Variants in KAZN observed in about 807,000 individuals in gnomAD.
The protein encoded by KAZN is kazrin.
KAZN carries 40 observed loss-of-function variants against 87.4 expected under a neutral mutation model. The observed-to-expected ratio is 0.46, with a 90% CI of 0.36 to 0.60. KAZN has a LOEUF of 0.60. Among genes scored for constraint, KAZN ranks in the 20% least tolerant of loss-of-function variants. The pLI is 0.00. For missense variants in KAZN, 898 were observed against 1,073.9 expected, an observed-to-expected ratio of 0.84 and a Z score of 2.29; for synonymous variants, 466 against 458.3, an observed-to-expected ratio of 1.02 and a Z score of -0.22.
intron 2 of KAZN, among the ~76,000 whole-genome samples, chr1:14,587,933 C>A (rs1412749473): frequency 1.3e-5 from 2 of 152,142 alleles, no homozygotes; most frequent in Non-Finnish European, 2.9e-5. Context: ...CATTTTTCAA[C>A]TCAGTAGCAC....
At chr1:14,094,230 A>G (rs555340080) in intron 1 of KAZN, among the ~76,000 whole-genome samples, 2 of 151,410 alleles carry the variant, frequency 1.3e-5, no homozygotes, top group East Asian at 3.9e-4. Flanking sequence ...GGCCTTTACT[A>G]TCGTTTTTTT....
At chr1:14,360,414 A>C (rs932095834) in intron 2 of KAZN, among the ~76,000 whole-genome samples, 2 of 152,066 alleles carry the variant, frequency 1.3e-5, no homozygotes, top group Admixed American at 1.3e-4. Flanking sequence ...GGAGTTTGTT[A>C]TTACACACAT....
chr1:14,161,643 CTAGTG>C (rs1645712262), intron 1 of KAZN, among the ~76,000 whole-genome samples: 1 of 152,148 alleles, frequency 6.6e-6, no homozygotes, highest in Non-Finnish European at 1.5e-5. Context: ...TTGGCCCTAT[CTAGTG>C]TAGGAGAGGA....
intron 1 of KAZN, among the ~76,000 whole-genome samples, chr1:14,019,157 G>T (rs965849603): frequency 6.6e-6 from 1 of 152,168 alleles, no homozygotes; most frequent in Non-Finnish European, 1.5e-5. Flanking sequence ...GATTAGAAAC[G>T]ACTTGTTTTG....
intron 1 of KAZN, among the ~76,000 whole-genome samples, chr1:14,702,722 G>A (rs1572263261): frequency 6.6e-6 from 1 of 152,122 alleles, no homozygotes; most frequent in Non-Finnish European, 1.5e-5. Context: ...GTCACCTGGC[G>A]GCAAACCATT....
At chr1:15,010,788 C>G (rs569324249) in intron 2 of KAZN, among the ~76,000 whole-genome samples, 1 of 152,288 alleles carries the variant, frequency 6.6e-6, no homozygotes, top group East Asian at 1.9e-4. Context: ...TCTCTCACTC[C>G]TTTTTCATGG....
intron 2 of KAZN, among the ~76,000 whole-genome samples, chr1:14,227,406 G>A (rs1557576266): frequency 6.6e-6 from 1 of 152,150 alleles, no homozygotes; most frequent in East Asian, 1.9e-4. Context: ...AAAGCTGAAG[G>A]AATCACTTCC....
At chr1:14,862,065 T>C (rs899578414) in intron 1 of KAZN, among the ~76,000 whole-genome samples, 4 of 152,154 alleles carry the variant, frequency 2.6e-5, no homozygotes, top group African/African-American at 9.7e-5. Context: ...TAATGGAAAA[T>C]CCTGACTGCC....
intron 1 of KAZN, among the ~76,000 whole-genome samples, chr1:13,900,141 T>A (rs1368313856): frequency 6.8e-6 from 1 of 146,602 alleles, no homozygotes; most frequent in Non-Finnish European, 1.5e-5. Context: ...GACTAATTCT[T>A]CTTGATAGTC....
chr1:15,032,180 C>CTTTTTTT (rs376242671), intron 2 of KAZN, among the ~76,000 whole-genome samples: 4 of 82,696 alleles, frequency 4.8e-5, no homozygotes, highest in African/African-American at 1.4e-4. Context: ...GTGGACATTT[C>CTTTTTTT]TTTTTTTTTT....
chr1:14,617,233 C>A (rs1217116269), intron 1 of KAZN, among the ~76,000 whole-genome samples: 5 of 152,160 alleles, frequency 3.3e-5, no homozygotes, highest in Non-Finnish European at 7.3e-5. Flanking sequence ...TCCAGACTAC[C>A]ACAATAAAGC....
intron 1 of KAZN, among the ~76,000 whole-genome samples, chr1:14,066,331 A>G (rs1457544409): frequency 6.6e-6 from 1 of 152,142 alleles, no homozygotes. Context: ...TTGGGTGAAT[A>G]CTAAGTGGTG....
intron 2 of KAZN, among the ~76,000 whole-genome samples, chr1:14,317,960 C>A (rs1655776004): frequency 2.0e-5 from 3 of 151,914 alleles, no homozygotes; most frequent in Admixed American, 2.0e-4. Context: ...TTAAATTATG[C>A]CTTATCATTT....
chr1:14,215,875 T>C (rs1646947296), intron 2 of KAZN, among the ~76,000 whole-genome samples: 1 of 152,208 alleles, frequency 6.6e-6, no homozygotes, highest in South Asian at 2.1e-4. Flanking sequence ...AAGCTTCTCA[T>C]TAATGTTCAT....
chr1:14,585,567 G>A (rs1675805750), intron 2 of KAZN, among the ~76,000 whole-genome samples: 1 of 152,174 alleles, frequency 6.6e-6, no homozygotes, highest in Non-Finnish European at 1.5e-5. Context: ...GTCCCTGCTT[G>A]CTGCAAGCCC....
At chr1:14,194,602 G>C (rs993610481) in intron 2 of KAZN, among the ~76,000 whole-genome samples, 1 of 152,200 alleles carries the variant, frequency 6.6e-6, no homozygotes. Context: ...TGCATTTGGA[G>C]GGAGGAAAGA....
intron 1 of KAZN, among the ~76,000 whole-genome samples, chr1:14,705,071 C>T (rs1210423086): frequency 6.6e-6 from 1 of 152,134 alleles, no homozygotes; most frequent in African/African-American, 2.4e-5. Flanking sequence ...CTCCCAGTTC[C>T]GGAGGCTGAA....
At position 14,858,495 on chromosome 1, in the gene KAZN, G is replaced by A. The variant is rs938395793; in HGVS notation, c.227-102189G>A. Among the ~76,000 whole-genome samples the A allele has an allele frequency of 1.5e-4, 23 of 152,122 alleles. 1 individual carries two copies. The highest frequency in any genetic ancestry group is 1.4e-3 in the Admixed American group (22 of 15,276). ...CCTAAAGTGTTGGGATTACAGGCGT[G>A]AGCCACCGCACCTGGCCAATATGCC... On this transcript the variant is annotated intron_variant, in intron 1 of 14. Coordinates refer to ENST00000376030, the MANE Select transcript of KAZN (RefSeq NM_201628.3).
chr1:14,571,075 C>T (rs541851195), intron 2 of KAZN, among the ~76,000 whole-genome samples: 1 of 152,290 alleles, frequency 6.6e-6, no homozygotes, highest in East Asian at 1.9e-4. Flanking sequence ...CCTCCCTAAC[C>T]TTGGCTCCTC....
Sources: allele counts gnomAD v4.1 joint callset (sites outside exome capture counted in the v4.1 genomes callset), GRCh38; gene constraint gnomAD v4.1.1; transcripts MANE v1.5; gene names NCBI Gene and HGNC (gene_info 2026-07-23, HGNC 2026-07-21).